MIDEAS: variants seen among roughly 807,000 people sequenced by gnomAD.
The protein encoded by MIDEAS is mitotic deacetylase associated SANT domain protein, also known as mitotic deacetylase-associated SANT domain protein.
A neutral mutation model predicts 102.7 loss-of-function variants in MIDEAS; 26 were observed. The ratio of observed to expected loss-of-function variants is 0.25; its 90% CI spans 0.19 to 0.35. MIDEAS has a LOEUF of 0.35. MIDEAS is among the 10% of genes least tolerant of loss of function. The pLI is 1.00. For missense variants in MIDEAS, 1,231 were observed against 1,435.6 expected (o/e 0.86, Z 2.30); for synonymous variants, 585 against 591.0 (o/e 0.99, Z 0.15).
At chr14:73,723,019 G>C (rs1595252442) in intron 9 of MIDEAS, 172 bp from the exon 10 acceptor site, 1 of 620,830 alleles carries the variant, frequency 1.6e-6, no homozygotes. Context: ...ACAAACCACT[G>C]ATCAATTAAT....
chr14:73,727,703 A>T, intron 4 of MIDEAS, 179 bp from the exon 5 acceptor site: 5 of 584,546 alleles, frequency 8.6e-6, no homozygotes, highest in Non-Finnish European at 1.5e-5. Flanking sequence ...CAGGCCCTTC[A>T]CTAAATATTT....
upstream of MIDEAS, among the ~76,000 whole-genome samples, chr14:73,764,689 G>A (rs1226080554): frequency 6.6e-6 from 1 of 152,234 alleles, no homozygotes; most frequent in African/African-American, 2.4e-5. Flanking sequence ...GTGCTGAGAT[G>A]TCTCTGCACT....
intron 1 of MIDEAS, among the ~76,000 whole-genome samples, chr14:73,756,175 G>A (rs939545124): frequency 8.6e-5 from 13 of 151,994 alleles, no homozygotes; most frequent in African/African-American, 1.9e-4. Flanking sequence ...AGCAGAAGTC[G>A]GTGTGGATGA....
At chr14:73,788,714 C>T (rs58647952), upstream of MIDEAS, among the ~76,000 whole-genome samples, 238 of 152,288 alleles carry the variant, frequency 1.6e-3, no homozygotes, top group African/African-American at 3.3e-3. Flanking sequence ...TCTTACATCA[C>T]GCTATTGTGG....
At chr14:73,756,778 G>A (rs890041063) in intron 1 of MIDEAS, among the ~76,000 whole-genome samples, 4 of 152,146 alleles carry the variant, frequency 2.6e-5, no homozygotes, top group African/African-American at 7.2e-5. Context: ...CAGGATGACC[G>A]ACACATGCAC....
rs577579021 is a variant in MIDEAS at position 73,756,447 on chromosome 14, G to A, written c.-248+3316C>T. Among the ~76,000 whole-genome samples the A allele has an allele frequency of 2.0e-5, 3 of 152,278 alleles. No individual in the cohort carries two copies. The South Asian group carries it at 6.2e-4, about 32-fold the overall frequency. ...AATGTTGCTTCGAATGCAAATGCAGGTCCCTTAGTAAGAATTGGGGATTTC... is the reference window on the plus strand; with the variant it reads ...AATGTTGCTTCGAATGCAAATGCAGATCCCTTAGTAAGAATTGGGGATTTC... On this transcript the variant is annotated intron_variant, in intron 1 of 12. Coordinates refer to ENST00000423556, the MANE Select transcript of MIDEAS (RefSeq NM_001367710.1).
chr14:73,732,475 A>C (rs1048373491), intron 3 of MIDEAS, among the ~76,000 whole-genome samples: 6 of 152,206 alleles, frequency 3.9e-5, no homozygotes, highest in Non-Finnish European at 5.9e-5. Flanking sequence ...AAGAAATTTA[A>C]GGAACTGACA....
At chr14:73,778,002 G>A (rs1325471993) in intron 1 of MIDEAS, among the ~76,000 whole-genome samples, 1 of 151,876 alleles carries the variant, frequency 6.6e-6, no homozygotes, top group Non-Finnish European at 1.5e-5. Flanking sequence ...ACACAGTAAG[G>A]GCTCAATAAA....
chr14:73,717,241 C>A lies in MIDEAS; in HGVS notation c.*1602G>T, dbSNP rs951851883. 6.6e-6 allele frequency: 1 copy of A among 152,196 alleles called. No individual in the cohort carries two copies. 9.4% of individuals were successfully genotyped at this position (152,196 alleles called of 1,614,324 possible). On this transcript the variant is annotated 3_prime_UTR_variant, in exon 13 of 13. Transcript: ENST00000423556. ...CTTCCTAATACGTTGACCTGTCATACGCGCATTCACTTAGAATTTCTTTTG... is the reference window on the plus strand; with the variant it reads ...CTTCCTAATACGTTGACCTGTCATAAGCGCATTCACTTAGAATTTCTTTTG...
chr14:73,742,123 C>G lies in MIDEAS; in HGVS notation c.-247-1868G>C, dbSNP rs1046966879. ...GTGGGACTGTCTGGCTCCGCCTCTCCGAGGGAACATCAAGCCCACAGAACT... is the reference window on the plus strand; with the variant it reads ...GTGGGACTGTCTGGCTCCGCCTCTCGGAGGGAACATCAAGCCCACAGAACT... On this transcript the variant is annotated intron_variant, in intron 1 of 12. Coordinates refer to ENST00000423556, the MANE Select transcript of MIDEAS (RefSeq NM_001367710.1). The surrounding 1 kb of genome is among the most constrained non-coding windows in gnomAD (Gnocchi z 4.4). 5.3e-5 allele frequency among the ~76,000 whole-genome samples: 8 copies of G among 152,326 alleles called. No individual in the cohort carries two copies. The highest frequency in any genetic ancestry group is 1.4e-4 in the African/African-American group (6 of 41,580).
chr14:73,773,820 C>T (rs181295089), intron 1 of MIDEAS, among the ~76,000 whole-genome samples: 88 of 151,670 alleles, frequency 5.8e-4, no homozygotes, highest in African/African-American at 2.0e-3. Context: ...GTCACGAGTT[C>T]GAGACCAGCC....
At position 73,725,443 on chromosome 14, in the gene MIDEAS, G is replaced by C; in HGVS notation, c.2486-83C>G. 4 of 1,130,894 alleles carry C rather than the reference G, an allele frequency of 3.5e-6. No individual in the cohort carries two copies. The Admixed American group carries it at 6.8e-5, about 19-fold the overall frequency. The allele number at this position is 1,130,894 out of a possible 1,614,324, so 70.1% of individuals were successfully genotyped here. ...GCAATTTTGACAAGCAAAAAAGTGT[G>C]AGGCCATCCGCCCATGGTTTCTGCA... On this transcript the variant is annotated intron_variant, in intron 8 of 12. Transcript: ENST00000423556. This position sits in a 1 kb window ranked among gnomAD's most constrained non-coding sequence, Gnocchi z 4.1.
chr14:73,756,177 T>C (rs990965833), intron 1 of MIDEAS, among the ~76,000 whole-genome samples: 2 of 151,876 alleles, frequency 1.3e-5, no homozygotes, highest in East Asian at 1.9e-4. Flanking sequence ...CAGAAGTCGG[T>C]GTGGATGAAT....
chr14:73,721,589 G>C (rs1166971564), intron 10 of MIDEAS, 80 bp from the exon 11 acceptor site: 1 of 1,331,780 alleles, frequency 7.5e-7, no homozygotes, highest in African/African-American at 1.4e-5. Context: ...CGGCCGGGGG[G>C]TTCACCAGCC....
chr14:73,762,017 T>A (rs185265188), upstream of MIDEAS, among the ~76,000 whole-genome samples: 18 of 152,322 alleles, frequency 1.2e-4, no homozygotes, highest in Non-Finnish European at 2.1e-4. Context: ...TTCATTTGCC[T>A]GATTTCTTCC....
Position 73,718,978 on chromosome 14 carries a change from C to A in MIDEAS, c.3165G>T (p.Ala1055=), listed in dbSNP as rs1197042861. The A allele has an allele frequency of 2.0e-6, 3 of 1,509,986 alleles. No individual in the cohort carries two copies. The highest frequency in any genetic ancestry group is 1.8e-6 in the Non-Finnish European group (2 of 1,136,380). 93.5% of individuals were successfully genotyped at this position (1,509,986 alleles called of 1,614,324 possible). A position where few individuals can be genotyped will look rare whatever the true frequency, so the allele number is the denominator to read the frequency against. Residue 1055 remains alanine, a synonymous_variant, in exon 13 of 13, where the codon GCG becomes GCT. Coordinates refer to ENST00000423556, the MANE Select transcript of MIDEAS (RefSeq NM_001367710.1). ...CCTGCTCTGCGTGGCTCTTCATATG[C>A]GCACTGCGGCTCTTCACCTTGTAAA... ...RVFYKVKSRS[A]HMKSHAEQEK...
chr14:73,777,072 A>AAAAAT (rs1555346156), intron 1 of MIDEAS, among the ~76,000 whole-genome samples: 1 of 151,642 alleles, frequency 6.6e-6, no homozygotes, highest in East Asian at 2.0e-4. Context: ...TGTCTCAAAA[A>AAAAAT]AAATAAATAA....
intron 1 of MIDEAS, among the ~76,000 whole-genome samples, chr14:73,768,162 G>T (rs2140164983): frequency 6.6e-6 from 1 of 152,206 alleles, no homozygotes; most frequent in South Asian, 2.1e-4. Flanking sequence ...GAGAAAGCCT[G>T]TCTCAAAAAA....
chr14:73,755,214 C>A (rs922704403), intron 1 of MIDEAS, among the ~76,000 whole-genome samples: 3 of 152,188 alleles, frequency 2.0e-5, no homozygotes, highest in Non-Finnish European at 4.4e-5. Context: ...ACAGCAAGGG[C>A]GGCTGCCAGG....
Sources: allele counts gnomAD v4.1 joint callset (sites outside exome capture counted in the v4.1 genomes callset), GRCh38; gene constraint gnomAD v4.1.1; non-coding constraint Gnocchi (gnomAD v3.1); transcripts MANE v1.5; gene names NCBI Gene and HGNC (gene_info 2026-07-23, HGNC 2026-07-21).